Variants in BMPR2 observed in about 807,000 individuals in gnomAD.
The protein encoded by BMPR2 is bone morphogenetic protein receptor type-2.
Under a neutral mutation model 100.8 loss-of-function variants are expected in BMPR2, and 29 were observed. That is an observed-to-expected ratio of 0.29 (90% CI 0.21 to 0.39). The LOEUF (loss-of-function observed/expected upper bound fraction) is 0.39, where lower values mean the gene tolerates loss of function less well. Ranked by LOEUF, BMPR2 falls within the 10% of genes least tolerant of loss-of-function variation. The pLI is 1.00. For missense variants in BMPR2, 1,011 were observed against 1,274.5 expected, an observed-to-expected ratio of 0.79 and a Z score of 3.15; for synonymous variants, 382 against 442.3, an observed-to-expected ratio of 0.86 and a Z score of 1.71.
At chr2:202,471,137 C>G (rs1692429517) in intron 3 of BMPR2, among the ~76,000 whole-genome samples, 1 of 152,202 alleles carries the variant, frequency 6.6e-6, no homozygotes, top group African/African-American at 2.4e-5. Flanking sequence ...CAGGAGCCAG[C>G]TGGAAGGAAC....
At chr2:202,531,581 A>G (rs1688029297) in intron 8 of BMPR2, among the ~76,000 whole-genome samples, 1 of 152,172 alleles carries the variant, frequency 6.6e-6, no homozygotes, top group Admixed American at 6.5e-5. Context: ...CTGCATTCAT[A>G]TATACTTGTC....
At chr2:202,545,912 A>G (rs1480402242) in intron 10 of BMPR2, among the ~76,000 whole-genome samples, 1 of 152,248 alleles carries the variant, frequency 6.6e-6, no homozygotes, top group Non-Finnish European at 1.5e-5. Flanking sequence ...GCCTCACAAT[A>G]GAGTATCCCT....
At position 202,567,528 on chromosome 2, in the gene BMPR2, G is replaced by T. The variant is rs1201092129; in HGVS notation, c.*7582G>T. The stretch of plus-strand genomic sequence containing the variant: ...AAATAAAGCAAATCACTTTTCTTTT[G>T]TATTATCTATGGATGCCACTATGAA... On this transcript the variant is annotated 3_prime_UTR_variant, in exon 13 of 13. Coordinates refer to ENST00000374580, the MANE Select transcript of BMPR2 (RefSeq NM_001204.7). The T allele has an allele frequency of 6.6e-6, 1 of 152,478 alleles. No homozygotes were observed. Among genetic ancestry groups the T allele is most frequent in the Non-Finnish European group, 1.5e-5 (1 of 67,998 alleles). The allele number at this position is 152,478 out of a possible 1,614,324, so 9.4% of individuals were successfully genotyped here. A position where few individuals can be genotyped will look rare whatever the true frequency, so the allele number is the denominator to read the frequency against.
At position 202,433,209 on chromosome 2, in the gene BMPR2, T is replaced by C. The variant is rs372996537; in HGVS notation, c.77-31600T>C. Among the ~76,000 whole-genome samples, 11 of 150,660 alleles carry C rather than the reference T, an allele frequency of 7.3e-5. No individual in the cohort carries two copies. The East Asian group carries it at 2.1e-3, about 29-fold the overall frequency. On this transcript the variant is annotated intron_variant, in intron 1 of 12. Coordinates refer to ENST00000374580, the MANE Select transcript of BMPR2 (RefSeq NM_001204.7). ...CCTCCAGGATCTTTAGGACTTGTAT[T>C]AGTCAGGATTCTCCAGATAAACAGA...
chr2:202,400,996 A>C (rs974401571), intron 1 of BMPR2, among the ~76,000 whole-genome samples: 1 of 152,226 alleles, frequency 6.6e-6, no homozygotes, highest in Non-Finnish European at 1.5e-5. Context: ...TTACTTCAAA[A>C]TAATACACAT....
At chr2:202,502,794 GT>G (rs1687426143) in intron 3 of BMPR2, among the ~76,000 whole-genome samples, 1 of 152,082 alleles carries the variant, frequency 6.6e-6, no homozygotes, top group Non-Finnish European at 1.5e-5. Flanking sequence ...GCCACCCAGC[GT>G]TTACAGGAAA....
chr2:202,551,999 C>T (rs544914854), intron 10 of BMPR2, among the ~76,000 whole-genome samples: 6 of 152,044 alleles, frequency 3.9e-5, no homozygotes, highest in Admixed American at 1.3e-4. Flanking sequence ...GGACTACAGG[C>T]GCATGCCACC....
rs1287176456 is a variant in BMPR2, at chr2:202,495,982, A to G, written c.419-17737A>G. ...ATCACTTATTTTTATTTTATAGTTT[A>G]ATGTATTTTAGTAACAAACAGGAAC... is the stretch of plus-strand genomic sequence containing the variant. On this transcript the variant is annotated intron_variant, in intron 3 of 12. Coordinates refer to ENST00000374580, the MANE Select transcript of BMPR2 (RefSeq NM_001204.7). The surrounding 1 kb of genome is among the most constrained non-coding windows in gnomAD (Gnocchi z 4.5). Among the ~76,000 whole-genome samples, 1 of 152,212 alleles carries G rather than the reference A, an allele frequency of 6.6e-6. No individual in the cohort carries two copies. Among genetic ancestry groups the G allele is most frequent in the Non-Finnish European group, 1.5e-5 (1 of 68,030 alleles).
At chr2:202,391,847 C>T (rs545803567) in intron 1 of BMPR2, among the ~76,000 whole-genome samples, 28 of 151,966 alleles carry the variant, frequency 1.8e-4, no homozygotes, top group African/African-American at 6.3e-4. Flanking sequence ...CTGCAACCTC[C>T]GCCTCCCGGG....
intron 1 of BMPR2, among the ~76,000 whole-genome samples, chr2:202,439,163 G>T (rs1191513454): frequency 6.7e-6 from 1 of 150,072 alleles, no homozygotes; most frequent in East Asian, 1.9e-4. Context: ...CATTTTCATT[G>T]TGTAAATCTT....
At chr2:202,549,814 A>G (rs1688443758) in intron 10 of BMPR2, among the ~76,000 whole-genome samples, 1 of 152,046 alleles carries the variant, frequency 6.6e-6, no homozygotes, top group Non-Finnish European at 1.5e-5. Flanking sequence ...GTGCCATTTT[A>G]CATTCTGGCC....
chr2:202,481,788 G>T (rs948928976), intron 3 of BMPR2, among the ~76,000 whole-genome samples: 1 of 152,140 alleles, frequency 6.6e-6, no homozygotes, highest in African/African-American at 2.4e-5. Flanking sequence ...CAAGACAGCT[G>T]CATGTAGTGT....
At chr2:202,390,237 C>T (rs1002994141) in intron 1 of BMPR2, among the ~76,000 whole-genome samples, 1 of 151,642 alleles carries the variant, frequency 6.6e-6, no homozygotes, top group African/African-American at 2.4e-5. Context: ...GAAATTTGTA[C>T]ATTTAAAATC....
intron 1 of BMPR2, among the ~76,000 whole-genome samples, chr2:202,447,817 T>C (rs1691882477): frequency 6.6e-6 from 1 of 150,744 alleles, no homozygotes. Flanking sequence ...GGAAGATCCA[T>C]ATTTAAAATT....
chr2:202,519,609 C>A (rs1316813790), intron 6 of BMPR2, among the ~76,000 whole-genome samples: 2 of 152,086 alleles, frequency 1.3e-5, no homozygotes, highest in Non-Finnish European at 2.9e-5. Context: ...ATGAAAGAAG[C>A]AGTACTTTGA....
chr2:202,534,244 T>TTTTA lies in BMPR2; in HGVS notation c.1276+1540_1276+1543dup, dbSNP rs202092877. Among the ~76,000 whole-genome samples, 766 of 147,886 alleles carry TTTTA rather than the reference T, an allele frequency of 5.2e-3. 5 individuals carry two copies. The highest frequency in any genetic ancestry group is 0.011 in the Middle Eastern group (3 of 278). ...GTGTATATATATATATAAATAAAAT[T>TTTTA]TTTATTTATTTATTTATTTATTTAT... On this transcript the variant is annotated intron_variant, in intron 9 of 12. Coordinates refer to ENST00000374580, the MANE Select transcript of BMPR2 (RefSeq NM_001204.7).
intron 2 of BMPR2, among the ~76,000 whole-genome samples, chr2:202,465,852 CA>C (rs1026005210): frequency 1.6e-3 from 221 of 138,682 alleles, no homozygotes; most frequent in East Asian, 0.01. Flanking sequence ...GACTCCGTCT[CA>C]AAAAAAAAAA....
At chr2:202,384,173 AAAAAC>A (rs1010306789) in intron 1 of BMPR2, among the ~76,000 whole-genome samples, 5 of 152,228 alleles carry the variant, frequency 3.3e-5, no homozygotes, top group African/African-American at 9.6e-5. Context: ...CTCCATCTCA[AAAAAC>A]AAAACAAAAC....
intron 3 of BMPR2, among the ~76,000 whole-genome samples, chr2:202,493,997 A>C (rs1324491649): frequency 1.3e-5 from 2 of 152,234 alleles, no homozygotes; most frequent in African/African-American, 4.8e-5. Context: ...AAAAAACAAG[A>C]AATCTGCCCC....
Sources: gnomAD v4.1 joint callset for allele counts (sites outside exome capture counted in the v4.1 genomes callset) on GRCh38, gnomAD v4.1.1 for gene constraint, Gnocchi (gnomAD v3.1) non-coding constraint, MANE v1.5 for transcripts, NCBI Gene and HGNC (gene_info 2026-07-23, HGNC 2026-07-21) for gene names.